The following MEF2C variants were observed in gnomAD, a reference collection of about 807,000 sequenced individuals.
The protein encoded by MEF2C is myocyte enhancer factor 2C.
A neutral mutation model predicts 50.5 loss-of-function variants in MEF2C; 6 were observed. That is an observed-to-expected ratio of 0.12 (90% CI 0.07 to 0.23). MEF2C has a LOEUF of 0.23. Among genes scored for constraint, MEF2C ranks in the 10% least tolerant of loss-of-function variants. The probability of loss-of-function intolerance (pLI) is 1.00; values close to 1 mark genes in which losing one functional copy is unlikely to be tolerated. For missense variants in MEF2C, 276 were observed against 605.0 expected (o/e 0.46, Z 5.70); for synonymous variants, 183 against 228.0 (o/e 0.80, Z 1.78).
chr5:88,869,298 C>CATATAT (rs201507162), intron 1 of MEF2C, among the ~76,000 whole-genome samples: 3 of 101,134 alleles, frequency 3.0e-5, no homozygotes, highest in East Asian at 5.3e-4. Flanking sequence ...TATATATACA[C>CATATAT]ATATATATAT....
chr5:88,771,604 G>C, intron 3 of MEF2C: 4 of 985,352 alleles, frequency 4.1e-6, no homozygotes, highest in Non-Finnish European at 4.8e-6. Flanking sequence ...CTAACACAGG[G>C]CTTGGGTAAT....
intron 3 of MEF2C, among the ~76,000 whole-genome samples, chr5:88,791,628 G>A (rs1360096800): frequency 6.6e-6 from 1 of 152,002 alleles, no homozygotes; most frequent in Non-Finnish European, 1.5e-5. Flanking sequence ...TGTAAATTAA[G>A]CAAGAAGATT....
rs1405112924 is a variant in MEF2C, at chr5:88,719,571, A to T, written c.*3033T>A. ...GTTACTCTAGGACGGGTTATGTAAAATAATACTCCCTCAGGGCTCTGCCCT... is the reference window on the plus strand; with the variant it reads ...GTTACTCTAGGACGGGTTATGTAAATTAATACTCCCTCAGGGCTCTGCCCT... On this transcript the variant is annotated 3_prime_UTR_variant, in exon 11 of 11. Coordinates refer to ENST00000504921, the MANE Select transcript of MEF2C (RefSeq NM_002397.5). 1.3e-5 allele frequency: 2 copies of T among 152,232 alleles called. No homozygotes were observed. Among genetic ancestry groups the T allele is most frequent in the African/African-American group, 4.8e-5 (2 of 41,472 alleles). The allele number at this position is 152,232 out of a possible 1,614,324, so 9.4% of individuals were successfully genotyped here.
At chr5:88,831,589 T>C (rs1307154538) in intron 1 of MEF2C, among the ~76,000 whole-genome samples, 1 of 152,056 alleles carries the variant, frequency 6.6e-6, no homozygotes. Flanking sequence ...AATCATCTGT[T>C]ATTTAAGTGG....
At chr5:88,843,569 C>T (rs1393879292) in intron 1 of MEF2C, 1 of 634,724 alleles carries the variant, frequency 1.6e-6, no homozygotes, top group African/African-American at 2.0e-5. Context: ...AATTTCTCCA[C>T]AACAAAGTGA....
intron 3 of MEF2C, among the ~76,000 whole-genome samples, chr5:88,794,166 G>T (rs942225253): frequency 6.6e-6 from 1 of 152,118 alleles, no homozygotes; most frequent in African/African-American, 2.4e-5. Context: ...ACCCAGAAAT[G>T]GTATGGCTGG....
chr5:88,742,272 A>G, intron 6 of MEF2C: 1 of 985,392 alleles, frequency 1.0e-6, no homozygotes, highest in Non-Finnish European at 1.2e-6. Flanking sequence ...CTCCAAATAA[A>G]ATCTTATCAT....
At position 88,875,947 on chromosome 5, in the gene MEF2C, C is replaced by A. The variant is rs188632615; in HGVS notation, c.-143+7008G>T. On this transcript the variant is annotated intron_variant, in intron 1 of 10. Coordinates refer to ENST00000504921, the MANE Select transcript of MEF2C (RefSeq NM_002397.5). ...ATTCAGGAATAAAAATATACCAGAACTCTACCTGAAAAACTGTGGATGTTA... is the reference window on the plus strand; with the variant it reads ...ATTCAGGAATAAAAATATACCAGAAATCTACCTGAAAAACTGTGGATGTTA... Among the ~76,000 whole-genome samples the A allele has an allele frequency of 2.2e-3, 339 of 151,800 alleles. 2 individuals are homozygous for A. The highest frequency in any genetic ancestry group is 7.8e-3 in the African/African-American group (325 of 41,436).
At chr5:88,868,182 G>T (rs1029730134) in intron 1 of MEF2C, among the ~76,000 whole-genome samples, 1 of 152,108 alleles carries the variant, frequency 6.6e-6, no homozygotes, top group African/African-American at 2.4e-5. Flanking sequence ...TCACGTTTCG[G>T]AACTACTCTT....
chr5:88,761,480 T>C (rs1054944500), intron 3 of MEF2C, among the ~76,000 whole-genome samples, 152 bp from the exon 4 acceptor site: 1 of 152,198 alleles, frequency 6.6e-6, no homozygotes, highest in African/African-American at 2.4e-5. Context: ...AGCTGAGTCA[T>C]TTCAATCGAG....
chr5:88,827,127 C>T (rs1450709680), intron 1 of MEF2C: 4 of 151,906 alleles, frequency 2.6e-5, no homozygotes, highest in Non-Finnish European at 4.4e-5. Flanking sequence ...AGACCCAAGT[C>T]GAGAAGAATT....
intron 4 of MEF2C, among the ~76,000 whole-genome samples, chr5:88,757,287 T>G (rs1438505633): frequency 1.3e-5 from 2 of 152,162 alleles, no homozygotes; most frequent in Non-Finnish European, 2.9e-5. Flanking sequence ...AAGTAAAATA[T>G]TTTTAGTTAA....
At chr5:88,753,271 A>G (rs1391693427) in intron 4 of MEF2C, among the ~76,000 whole-genome samples, 1 of 151,364 alleles carries the variant, frequency 6.6e-6, no homozygotes, top group Non-Finnish European at 1.5e-5. Context: ...TTAATTTCCC[A>G]TTTTTCTTTT....
At position 88,722,686 on chromosome 5, in the gene MEF2C, A is replaced by G. The variant is rs753156153; in HGVS notation, c.1340T>C (p.Ile447Thr). 1.4e-5 allele frequency: 23 copies of G among 1,613,860 alleles called. No homozygotes were observed. The highest frequency in any genetic ancestry group is 4.4e-5 in the South Asian group (4 of 91,048). ...EDHRNEFHSP[I>T]GLTRPSPDER... ...GTCCGGCGAAGGTCTGGTGAGTCCA[A>G]TGGGGGAGTGGAATTCGTTCCGGTG... Residue 447 changes from isoleucine (I) to threonine (T), a missense_variant, in exon 11 of 11, where the codon ATT becomes ACT. Physicochemically the swap from Ile to Thr is moderately conservative, Grantham distance 89. Around this residue, in one of 2 missense-constraint regions of MEF2C, gnomAD observed 256 missense variants for 468.1 expected, o/e 0.55. Coordinates refer to ENST00000504921, the MANE Select transcript of MEF2C (RefSeq NM_002397.5).
chr5:88,836,470 C>T (rs1205907896), intron 1 of MEF2C, among the ~76,000 whole-genome samples: 1 of 152,160 alleles, frequency 6.6e-6, no homozygotes, highest in Non-Finnish European at 1.5e-5. Context: ...TTCATTTCAT[C>T]ACCTTTCTTT....
Position 88,811,398 on chromosome 5 carries a change from T to C in MEF2C, c.55-6597A>G, listed in dbSNP as rs939742588. 2.6e-5 allele frequency among the ~76,000 whole-genome samples: 4 copies of C among 152,138 alleles called. No individual in the cohort carries two copies. In the South Asian group the frequency reaches 8.3e-4, roughly 31 times the overall value. On this transcript the variant is annotated intron_variant, in intron 2 of 10. Coordinates refer to ENST00000504921, the MANE Select transcript of MEF2C (RefSeq NM_002397.5). ...TTCCCACCAAGCAGGAAGCAGCTCA[T>C]TTCTGAATATGTTCACATAGAGCTG...
At chr5:88,837,541 C>T (rs551236383) in intron 1 of MEF2C, among the ~76,000 whole-genome samples, 49 of 152,258 alleles carry the variant, frequency 3.2e-4, no homozygotes, top group Non-Finnish European at 5.9e-4. Flanking sequence ...TTCTTTAAGT[C>T]TCATTATCCT....
intron 1 of MEF2C, among the ~76,000 whole-genome samples, chr5:88,834,157 G>A (rs948730678): frequency 1.3e-5 from 2 of 152,078 alleles, no homozygotes; most frequent in African/African-American, 2.4e-5. Context: ...GGGCAGGCAG[G>A]GTGACAGTTA....
intron 3 of MEF2C, among the ~76,000 whole-genome samples, chr5:88,769,283 C>A (rs1781357838): frequency 6.6e-6 from 1 of 152,158 alleles, no homozygotes; most frequent in South Asian, 2.1e-4. Context: ...CCACTATTCT[C>A]CTGGGCTTTT....
Sources: allele counts gnomAD v4.1 joint callset (sites outside exome capture counted in the v4.1 genomes callset), GRCh38; gene constraint gnomAD v4.1.1; regional missense constraint gnomAD v4.1.1; transcripts MANE v1.5; gene names NCBI Gene and HGNC (gene_info 2026-07-23, HGNC 2026-07-21).